ANKRD34B: variants seen among roughly 807,000 people sequenced by gnomAD.
The protein encoded by ANKRD34B is ankyrin repeat domain 34B.
ANKRD34B carries 2 observed loss-of-function variants against 4.4 expected under a neutral mutation model. The observed-to-expected ratio is 0.46, with a 90% CI of 0.19 to 1.44. The LOEUF is 1.44. Ranked by LOEUF, ANKRD34B falls within the 40% of genes most tolerant of loss-of-function variation. ANKRD34B has a pLI of 0.26. For synonymous variants in ANKRD34B, 226 were observed against 227.1 expected, an observed-to-expected ratio of 0.99 and a Z score of 0.05; for missense variants, 558 against 604.7, an observed-to-expected ratio of 0.92 and a Z score of 0.81.
chr5:80,568,925 C>CACACACAGAGAGAGAGAGAGAGAG, intron 2 of ANKRD34B, 35 bp downstream of exon 2: 6 of 49,894 alleles, frequency 1.2e-4, no homozygotes, highest in Non-Finnish European at 2.0e-4. Flanking sequence ...CACACACACA[C>CACACACAGAGAGAGAGAGAGAGAG]AGAGAGAGAG....
Position 80,558,368 on chromosome 5 carries a change from G to C in ANKRD34B, c.*107C>G. ...CATTTTAATCCATCTAGCCATTATG[G>C]ACTAACCAATCACGAGATTTAAAAG... On this transcript the variant is annotated 3_prime_UTR_variant, in exon 5 of 5. Coordinates refer to ENST00000338682, the MANE Select transcript of ANKRD34B (RefSeq NM_001004441.3). 1.1e-6 allele frequency: 1 copy of C among 894,712 alleles called. No homozygotes were observed. Among genetic ancestry groups the C allele is most frequent in the Non-Finnish European group, 1.7e-6 (1 of 598,890 alleles). 55.4% of individuals were successfully genotyped at this position (894,712 alleles called of 1,614,324 possible). A position where few individuals can be genotyped will look rare whatever the true frequency, so the allele number is the denominator to read the frequency against.
Position 80,558,687 on chromosome 5 carries a change from T to G in ANKRD34B, c.1333A>C (p.Arg445=). Residue 445 remains arginine, a synonymous_variant, in exon 5 of 5, where the codon AGA becomes CGA. Coordinates refer to ENST00000338682, the MANE Select transcript of ANKRD34B (RefSeq NM_001004441.3). ...TTTAAGGGTGGGAGAAACCCTTGTC[T>G]GGTTTGGGTAACACTGTGATCTAAA... ...FPLDHSVTQT[R]QGFLPPLNVN... 6.2e-7 allele frequency: 1 copy of G among 1,614,194 alleles called. No homozygotes were observed. The highest frequency in any genetic ancestry group is 8.5e-7 in the Non-Finnish European group (1 of 1,180,016).
At chr5:80,565,547 C>G (rs1052600007) in intron 3 of ANKRD34B, among the ~76,000 whole-genome samples, 6 of 152,242 alleles carry the variant, frequency 3.9e-5, no homozygotes, top group Non-Finnish European at 8.8e-5. Context: ...TCTTGAGTTC[C>G]TCATGCGTGG....
At chr5:80,569,944 C>T (rs1746708295) in intron 1 of ANKRD34B, among the ~76,000 whole-genome samples, 1 of 152,186 alleles carries the variant, frequency 6.6e-6, no homozygotes, top group Admixed American at 6.5e-5. Context: ...CTCGGCTGGC[C>T]CTGGGTCTCT....
chr5:80,561,617 T>C, intron 4 of ANKRD34B, among the ~76,000 whole-genome samples: 1 of 152,150 alleles, frequency 6.6e-6, no homozygotes, highest in East Asian at 1.9e-4. Context: ...TTGGGAGAGA[T>C]ACTGTATAAG....
intron 4 of ANKRD34B, among the ~76,000 whole-genome samples, chr5:80,560,332 G>C (rs1746380890): frequency 6.6e-6 from 1 of 152,038 alleles, no homozygotes; most frequent in African/African-American, 2.4e-5. Flanking sequence ...ATTTACCTGT[G>C]AAAAATAATT....
intron 4 of ANKRD34B, among the ~76,000 whole-genome samples, chr5:80,562,600 A>G (rs879267387): frequency 2.0e-5 from 3 of 152,198 alleles, no homozygotes; most frequent in Non-Finnish European, 4.4e-5. Flanking sequence ...ATAAATTGCT[A>G]TAGTGTTCTC....
intron 4 of ANKRD34B, among the ~76,000 whole-genome samples, 154 bp downstream of exon 4, chr5:80,563,581 A>G (rs1362260195): frequency 2.0e-5 from 3 of 152,220 alleles, no homozygotes; most frequent in Non-Finnish European, 4.4e-5. Flanking sequence ...CAGTATTCAA[A>G]AGGACATAGT....
Position 80,559,925 on chromosome 5 carries a change from C to G in ANKRD34B, c.95G>C (p.Gly32Ala). 3 of 1,614,202 alleles carry G rather than the reference C, an allele frequency of 1.9e-6. No homozygotes were observed. The highest frequency in any genetic ancestry group is 2.5e-6 in the Non-Finnish European group (3 of 1,180,032). ...GTTGCTCTCATTAATGTAGGCACCG[C>G]CTTCTAGCAAAAGTCTTGTGAGGCG... ...RLRLTRLLLEGGAYINESNDR... is the reference protein window; with the variant it reads ...RLRLTRLLLEAGAYINESNDR... Residue 32 changes from glycine (G) to alanine (A), a missense_variant, in exon 5 of 5, where the codon GGC becomes GCC. By Grantham distance (60) the Gly-to-Ala change is moderately conservative (BLOSUM62 0). Transcript: ENST00000338682.
rs1244478612 is a variant in ANKRD34B, at chr5:80,558,259, G to T, written c.*216C>A. 4 of 355,812 alleles carry T rather than the reference G, an allele frequency of 1.1e-5. No homozygotes were observed. Among genetic ancestry groups the T allele is most frequent in the Admixed American group, 4.3e-5 (1 of 23,142 alleles). 22.0% of individuals were successfully genotyped at this position (355,812 alleles called of 1,614,324 possible). On this transcript the variant is annotated 3_prime_UTR_variant, in exon 5 of 5. Transcript: ENST00000338682. Reference sequence around the variant, plus strand: ...AATATTAGAAGCATTGAGAAAAATCGCTTTCCTTTTGTTTGAGAGAATTCC... The same window carrying T: ...AATATTAGAAGCATTGAGAAAAATCTCTTTCCTTTTGTTTGAGAGAATTCC...
chr5:80,565,590 A>T (rs909558507), intron 3 of ANKRD34B, among the ~76,000 whole-genome samples: 1 of 152,176 alleles, frequency 6.6e-6, no homozygotes, highest in Non-Finnish European at 1.5e-5. Flanking sequence ...TTCCATGGGG[A>T]TGTGGTAATG....
Position 80,559,791 on chromosome 5 carries a change from G to A in ANKRD34B, c.229C>T (p.Pro77Ser), listed in dbSNP as rs1432029689. 1 of 1,614,068 alleles carries A rather than the reference G, an allele frequency of 6.2e-7. No homozygotes were observed. Among genetic ancestry groups the A allele is most frequent in the Non-Finnish European group, 8.5e-7 (1 of 1,180,052 alleles). The part of the protein sequence containing the change: ...VKYLLENNAD[P>S]NIQDKSGKTA... The stretch of plus-strand genomic sequence containing the variant: ...TTCCCAGATTTGTCCTGTATGTTGG[G>A]ATCGGCATTGTTCTCTAACAGGTAT... Residue 77 changes from proline (P) to serine (S), a missense_variant, in exon 5 of 5, where the codon CCC becomes TCC. Transcript: ENST00000338682.
At position 80,559,291 on chromosome 5, in the gene ANKRD34B, G is replaced by T; in HGVS notation, c.729C>A (p.Pro243=). ...GACTCTTGACCCAGGGTGGAGCGTG[G>T]GGGAGCTTGGGCCCCTTAGGGGCCA... ...PALAPKGPKL[P]HAPPWVKSPP... The change falls in exon 5 of 5, where the codon CCC becomes CCA. Residue 243 remains proline, a synonymous_variant. Coordinates refer to ENST00000338682, the MANE Select transcript of ANKRD34B (RefSeq NM_001004441.3). 5 of 1,614,166 alleles carry T rather than the reference G, an allele frequency of 3.1e-6. No individual in the cohort carries two copies. Among genetic ancestry groups the T allele is most frequent in the African/African-American group, 1.3e-5 (1 of 75,032 alleles).
At chr5:80,561,024 T>C (rs1049088284) in intron 4 of ANKRD34B, among the ~76,000 whole-genome samples, 1 of 152,212 alleles carries the variant, frequency 6.6e-6, no homozygotes, top group Non-Finnish European at 1.5e-5. Flanking sequence ...TAGCAAGAAC[T>C]ATAGGGTTAA....
In ANKRD34B at chr5:80,559,873, G is replaced by A. The variant is rs151244325; in HGVS notation, c.147C>T (p.Ile49=). The change falls in exon 5 of 5, where the codon ATC becomes ATT. Residue 49 remains isoleucine (I), a synonymous_variant. Coordinates refer to ENST00000338682, the MANE Select transcript of ANKRD34B (RefSeq NM_001004441.3). ...GATCGACATGTTTGGTCTTACAAGC[G>A]ATCATTAAAGGGGTTTCCCCACGGT... ...SNDRGETPLM[I]ACKTKHVDHQ... 2 of 1,614,204 alleles carry A rather than the reference G, an allele frequency of 1.2e-6. No individual in the cohort carries two copies. Among genetic ancestry groups the A allele is most frequent in the East Asian group, 2.2e-5 (1 of 44,884 alleles).
intron 4 of ANKRD34B, among the ~76,000 whole-genome samples, chr5:80,561,996 G>A (rs1746417171): frequency 6.7e-6 from 1 of 150,366 alleles, no homozygotes. Flanking sequence ...GGAGAAGATG[G>A]CAGCAACAAT....
intron 4 of ANKRD34B, among the ~76,000 whole-genome samples, chr5:80,563,381 AC>A (rs1292198680): frequency 2.6e-5 from 4 of 152,218 alleles, no homozygotes; most frequent in Non-Finnish European, 5.9e-5. Flanking sequence ...ACTTTTATTT[AC>A]TTATTGTAAA....
chr5:80,567,261 G>T (rs1346649465), intron 2 of ANKRD34B, among the ~76,000 whole-genome samples: 1 of 152,124 alleles, frequency 6.6e-6, no homozygotes, highest in African/African-American at 2.4e-5. Context: ...CCATCTTGGA[G>T]ACGATAGGCC....
intron 3 of ANKRD34B, chr5:80,564,526 C>G (rs1003201211): frequency 1.3e-5 from 2 of 152,132 alleles, no homozygotes; most frequent in African/African-American, 4.8e-5. Context: ...GCTGTGGGCT[C>G]CAGGGTCTCA....
Sources: allele counts gnomAD v4.1 joint callset (sites outside exome capture counted in the v4.1 genomes callset), GRCh38; gene constraint gnomAD v4.1.1; transcripts MANE v1.5; gene names NCBI Gene and HGNC (gene_info 2026-07-23, HGNC 2026-07-21).